LARGE1: variants seen among roughly 807,000 people sequenced by gnomAD.
LARGE1 encodes xylosyl- and glucuronyltransferase LARGE1.
A neutral mutation model predicts 87.6 loss-of-function variants in LARGE1; 43 were observed. The ratio of observed to expected loss-of-function variants is 0.49; its 90% CI spans 0.38 to 0.63. LARGE1 has a LOEUF of 0.63. LARGE1 is among the 30% of genes least tolerant of loss of function. The pLI is 0.00. For synonymous variants in LARGE1, 434 were observed against 394.6 expected, an observed-to-expected ratio of 1.10 and a Z score of -1.18; for missense variants, 802 against 1,000.2, an observed-to-expected ratio of 0.80 and a Z score of 2.67.
chr22:33,183,604 A>ACACACACACACGCACG (rs1475683559), intron 11 of LARGE1, among the ~76,000 whole-genome samples: 15 of 85,434 alleles, frequency 1.8e-4, no homozygotes, highest in African/African-American at 5.8e-4. Context: ...TGGATAAAAC[A>ACACACACACACGCACG]CACACACACA....
intron 11 of LARGE1, among the ~76,000 whole-genome samples, chr22:33,243,178 C>G (rs1310614473): frequency 6.6e-6 from 1 of 152,172 alleles, no homozygotes. Flanking sequence ...CATAACAAGA[C>G]AGAATTAACA....
At chr22:33,795,244 A>G (rs536001767) in intron 1 of LARGE1, among the ~76,000 whole-genome samples, 9 of 152,348 alleles carry the variant, frequency 5.9e-5, no homozygotes, top group Non-Finnish European at 1.0e-4. Flanking sequence ...AGCATGGGAG[A>G]ATTTAAGTAC....
intron 1 of LARGE1, among the ~76,000 whole-genome samples, chr22:33,890,789 G>C (rs906511158): frequency 6.6e-6 from 1 of 151,314 alleles, no homozygotes; most frequent in Non-Finnish European, 1.5e-5. Flanking sequence ...TCATAATTTT[G>C]GGGTGGGGGC....
intron 11 of LARGE1, among the ~76,000 whole-genome samples, chr22:33,196,142 A>T (rs1388652677): frequency 6.6e-6 from 1 of 150,968 alleles, no homozygotes; most frequent in Admixed American, 6.6e-5. Context: ...AAAAAAAAAA[A>T]GCGTAAGGAT....
intron 1 of LARGE1, among the ~76,000 whole-genome samples, chr22:33,802,480 G>A (rs1481531422): frequency 1.3e-5 from 2 of 152,190 alleles, no homozygotes; most frequent in Admixed American, 6.5e-5. Flanking sequence ...TAATCTTAAA[G>A]CCAAATGAAA....
At position 33,501,656 on chromosome 22, in the gene LARGE1, T is replaced by C. The variant is rs554342450; in HGVS notation, c.787+63192A>G. On this transcript the variant is annotated intron_variant, in intron 6 of 14. Coordinates refer to ENST00000397394, the MANE Select transcript of LARGE1 (RefSeq NM_133642.5). ...CCACCTGGCTGTCCATCAACACTTA[T>C]TTGAATTGAACGCCAGGCCTGGCAT... Among the ~76,000 whole-genome samples the C allele has an allele frequency of 1.2e-4, 19 of 152,268 alleles. No individual in the cohort carries two copies. The South Asian group carries it at 3.9e-3, about 32-fold the overall frequency.
chr22:33,439,329 T>C (rs946652671), intron 6 of LARGE1, among the ~76,000 whole-genome samples: 1 of 152,120 alleles, frequency 6.6e-6, no homozygotes, highest in African/African-American at 2.4e-5. Flanking sequence ...GTCTAGGTTT[T>C]CCTACCCAAG....
At chr22:33,202,562 T>G (rs1020628921) in intron 11 of LARGE1, among the ~76,000 whole-genome samples, 3 of 152,232 alleles carry the variant, frequency 2.0e-5, no homozygotes, top group African/African-American at 7.2e-5. Flanking sequence ...TTACAATATT[T>G]CTGCCTTTGG....
At chr22:33,543,791 C>T (rs1165567953) in intron 6 of LARGE1, among the ~76,000 whole-genome samples, 1 of 152,218 alleles carries the variant, frequency 6.6e-6, no homozygotes, top group African/African-American at 2.4e-5. Context: ...AACTGACTGT[C>T]TAGGAAAGAG....
chr22:33,339,539 C>T (rs1405932091), intron 9 of LARGE1, among the ~76,000 whole-genome samples: 2 of 151,832 alleles, frequency 1.3e-5, no homozygotes, highest in African/African-American at 4.8e-5. Flanking sequence ...AGATGCAAGT[C>T]GCAGGATGGG....
At chr22:33,291,294 C>T (rs1293371503) in intron 12 of LARGE1, among the ~76,000 whole-genome samples, 1 of 152,126 alleles carries the variant, frequency 6.6e-6, no homozygotes, top group Non-Finnish European at 1.5e-5. Context: ...CCAATCAGAC[C>T]CATCCTGGAG....
downstream of LARGE1, among the ~76,000 whole-genome samples, chr22:33,272,080 TGGCTG>T (rs1928291029): frequency 6.6e-6 from 1 of 152,210 alleles, no homozygotes; most frequent in African/African-American, 2.4e-5. Context: ...GAAAGCAAGG[TGGCTG>T]GGCATGAGTC....
chr22:33,816,409 T>G (rs935981012), intron 1 of LARGE1, among the ~76,000 whole-genome samples: 1 of 152,194 alleles, frequency 6.6e-6, no homozygotes, highest in Non-Finnish European at 1.5e-5. Context: ...GGTGAGAGTC[T>G]GCTTTCTGTT....
intron 1 of LARGE1, among the ~76,000 whole-genome samples, chr22:33,762,441 G>A (rs1479102166): frequency 1.3e-5 from 2 of 152,000 alleles, no homozygotes; most frequent in Non-Finnish European, 2.9e-5. Context: ...CAATGGTATC[G>A]ACTAAAGAGC....
At chr22:33,215,243 C>A (rs1198373040) in intron 11 of LARGE1, among the ~76,000 whole-genome samples, 1 of 152,152 alleles carries the variant, frequency 6.6e-6, no homozygotes, top group Non-Finnish European at 1.5e-5. Flanking sequence ...GCCTTACAGT[C>A]CCTACTTTCT....
At chr22:33,390,712 C>CAA (rs2065487170) in intron 7 of LARGE1, among the ~76,000 whole-genome samples, 1 of 142,368 alleles carries the variant, frequency 7.0e-6, no homozygotes, top group East Asian at 2.1e-4. Flanking sequence ...TTTTTTGAGA[C>CAA]AGAGTCTTAC....
downstream of LARGE1, among the ~76,000 whole-genome samples, chr22:33,268,624 T>C (rs1196146606): frequency 1.3e-5 from 2 of 151,782 alleles, no homozygotes; most frequent in Non-Finnish European, 2.9e-5. Context: ...AGATGGGGTT[T>C]CACCATGTTA....
intron 5 of LARGE1, among the ~76,000 whole-genome samples, chr22:33,584,854 C>T (rs919331914): frequency 2.6e-5 from 4 of 152,210 alleles, no homozygotes; most frequent in Admixed American, 1.3e-4. Context: ...CATTGGCTCA[C>T]GCCTGTAATC....
At chr22:33,224,667 A>C (rs910627565) in intron 11 of LARGE1, among the ~76,000 whole-genome samples, 1 of 152,180 alleles carries the variant, frequency 6.6e-6, no homozygotes, top group African/African-American at 2.4e-5. Flanking sequence ...CCGAGATCCA[A>C]CAAGCTCCCT....
Sources: allele counts gnomAD v4.1 joint callset (sites outside exome capture counted in the v4.1 genomes callset), GRCh38; gene constraint gnomAD v4.1.1; transcripts MANE v1.5; gene names NCBI Gene and HGNC (gene_info 2026-07-23, HGNC 2026-07-21).